The following MATN1 variants were observed in gnomAD, a reference collection of about 807,000 sequenced individuals.
MATN1 encodes the protein matrilin 1, also known as matrilin-1.
MATN1 carries 34 observed loss-of-function variants against 41.3 expected under a neutral mutation model. The observed-to-expected ratio is 0.82, with a 90% CI of 0.63 to 1.10. MATN1 has a LOEUF of 1.10. Ranked by LOEUF, MATN1 falls within the 50% of genes least tolerant of loss-of-function variation. MATN1 has a pLI of 0.00. For missense variants in MATN1, 602 were observed against 662.4 expected (o/e 0.91, Z 1.00); for synonymous variants, 264 against 278.7 (o/e 0.95, Z 0.53).
At chr1:30,723,200 T>A (rs142879101) in intron 1 of MATN1, among the ~76,000 whole-genome samples, 42 of 152,308 alleles carry the variant, frequency 2.8e-4, no homozygotes, top group African/African-American at 9.6e-4. Context: ...GAGTAGCTTC[T>A]GCTCCCCAGA....
chr1:30,716,754 C>G (rs370313013), intron 4 of MATN1, 36 bp downstream of exon 4: 44 of 1,608,522 alleles, frequency 2.7e-5, no homozygotes, highest in Non-Finnish European at 3.7e-5. Context: ...CCCCTCCACA[C>G]CCTCTCCAGG....
At chr1:30,717,394 G>T (rs1639630683) in intron 3 of MATN1, among the ~76,000 whole-genome samples, 1 of 152,030 alleles carries the variant, frequency 6.6e-6, no homozygotes, top group African/African-American at 2.4e-5. Context: ...TGGACACCCT[G>T]CCCCTGCGGG....
chr1:30,713,333 C>T lies in MATN1; in HGVS notation c.*249G>A, dbSNP rs765661573. 151 of 556,248 alleles carry T rather than the reference C, an allele frequency of 2.7e-4. No homozygotes were observed. Among genetic ancestry groups the T allele is most frequent in the Middle Eastern group, 1.5e-3 (3 of 2,038 alleles). The allele number at this position is 556,248 out of a possible 1,614,324, so 34.5% of individuals were successfully genotyped here. ...ACTCACCCCTGCATTATCACTCTCA[C>T]ACTCACATTCTGGCAAGACTCATGC... On this transcript the variant is annotated 3_prime_UTR_variant, in exon 8 of 8. Transcript: ENST00000373765.
rs200111696 is a variant in MATN1 at position 30,717,653 on chromosome 1, TGTTTTG to T, written c.665-744_665-739del. On this transcript the variant is annotated intron_variant, in intron 3 of 7. Coordinates refer to ENST00000373765, the MANE Select transcript of MATN1 (RefSeq NM_002379.3). The stretch of plus-strand genomic sequence containing the variant: ...TTTTTGTGTGTGCGGTTTTTTTTTT[TGTTTTG>T]TTTTTTTTTTGAGACGGAGTCGTCT... Among the ~76,000 whole-genome samples, 81 of 127,950 alleles carry T rather than the reference TGTTTTG, an allele frequency of 6.3e-4. 4 individuals carry two copies. In the East Asian group the frequency reaches 6.6e-3, roughly 10 times the overall value. The allele number at this position is 127,950 out of a possible 152,430, so 83.9% of individuals were successfully genotyped here.
At chr1:30,714,989 G>A (rs950233263) in intron 6 of MATN1, among the ~76,000 whole-genome samples, 168 bp downstream of exon 6, 1 of 152,238 alleles carries the variant, frequency 6.6e-6, no homozygotes, top group African/African-American at 2.4e-5. Flanking sequence ...CATTCAACAT[G>A]TTTGCTGGTA....
In MATN1 at chr1:30,716,647, T is replaced by C. The variant is rs75787217; in HGVS notation, c.790+143A>G. On this transcript the variant is annotated intron_variant, in intron 4 of 7. Coordinates refer to ENST00000373765, the MANE Select transcript of MATN1 (RefSeq NM_002379.3). ...GAAGTCAGGTGAGAACTTCTGCAGA[T>C]ACCAAACTCTAAAAGGCATCTGTCT... is the stretch of plus-strand genomic sequence containing the variant. 1,803 of 1,233,928 alleles carry C rather than the reference T, an allele frequency of 1.5e-3. 19 individuals are homozygous for C. The African/African-American group carries it at 0.023, about 16-fold the overall frequency. 76.4% of individuals were successfully genotyped at this position (1,233,928 alleles called of 1,614,324 possible).
chr1:30,716,760 C>A (rs758045920), intron 4 of MATN1, 30 bp downstream of exon 4: 45 of 1,610,524 alleles, frequency 2.8e-5, no homozygotes, highest in Non-Finnish European at 3.7e-5. Context: ...CACACCCTCT[C>A]CAGGGCGAGC....
chr1:30,713,145 C>G lies in MATN1; in HGVS notation c.*437G>C, dbSNP rs998173395. 5.3e-6 allele frequency: 1 copy of G among 189,230 alleles called. No homozygotes were observed. The highest frequency in any genetic ancestry group is 2.3e-5 in the African/African-American group (1 of 43,536). 11.7% of individuals were successfully genotyped at this position (189,230 alleles called of 1,614,324 possible). ...CCCAAATAACCACACTGCCTCTAGC[C>G]CCATTCACTGCTTACGTTAAATCAC... is the stretch of plus-strand genomic sequence containing the variant. On this transcript the variant is annotated 3_prime_UTR_variant, in exon 8 of 8. Coordinates refer to ENST00000373765, the MANE Select transcript of MATN1 (RefSeq NM_002379.3).
rs1639618150 is a variant in MATN1, at chr1:30,716,285, G to A, written c.831C>T (p.Val277=). 6.2e-7 allele frequency: 1 copy of A among 1,613,982 alleles called. No homozygotes were observed. The highest frequency in any genetic ancestry group is 1.3e-5 in the African/African-American group (1 of 74,932). Residue 277 remains valine (V), a synonymous_variant, in exon 5 of 8, where the codon GTC becomes GTT. Coordinates refer to ENST00000373765, the MANE Select transcript of MATN1 (RefSeq NM_002379.3). ...CACTCTTGGATCCGTCAATGAGGAAGACCAGGTCAGTGGCCGAGCTGCCAC... is the reference window on the plus strand; with the variant it reads ...CACTCTTGGATCCGTCAATGAGGAAAACCAGGTCAGTGGCCGAGCTGCCAC... ...GGGGSSATDL[V]FLIDGSKSVR...
intron 1 of MATN1, 75 bp from the exon 2 acceptor site, chr1:30,721,826 C>T (rs1639700007): frequency 2.4e-5 from 30 of 1,267,032 alleles, no homozygotes; most frequent in Non-Finnish European, 3.2e-5. Flanking sequence ...ACACAGAGTG[C>T]GGCTTCTTAG....
At position 30,713,577 on chromosome 1, in the gene MATN1, C is replaced by A. The variant is rs766705961; in HGVS notation, c.*5G>T. 2.1e-5 allele frequency: 33 copies of A among 1,553,130 alleles called. No homozygotes were observed. Among genetic ancestry groups the A allele is most frequent in the Non-Finnish European group, 2.7e-5 (31 of 1,147,624 alleles). On this transcript the variant is annotated 3_prime_UTR_variant, in exon 8 of 8. Transcript: ENST00000373765. ...TTGGAGAGGCCACAGTGGTGACAGG[C>A]AGCCTTAGACAACTGTGTTCTCCAG... is the stretch of plus-strand genomic sequence containing the variant.
chr1:30,721,818 A>G, intron 1 of MATN1, 67 bp from the exon 2 acceptor site: 7 of 1,338,526 alleles, frequency 5.2e-6, no homozygotes, highest in Non-Finnish European at 7.3e-6. Context: ...GCCTGAACAC[A>G]CAGAGTGCGG....
intron 3 of MATN1, among the ~76,000 whole-genome samples, chr1:30,717,857 G>T (rs892893687): frequency 6.6e-5 from 10 of 152,108 alleles, no homozygotes; most frequent in Non-Finnish European, 1.5e-4. Flanking sequence ...GTTTCACCAT[G>T]TTGGCCAGGA....
rs866547570 is a variant in MATN1, at chr1:30,723,484, C to G, written c.68G>C (p.Ser23Thr). Residue 23 changes from serine to threonine, a missense_variant, in exon 1 of 8, where the codon AGC becomes ACC. Transcript: ENST00000373765. Reference sequence around the variant, plus strand: ...TCTGGACTGGGGGGCGAGGCCAGGGCTGCACAGGGCCTGGAGCAGCAGCAG... The same window carrying G: ...TCTGGACTGGGGGGCGAGGCCAGGGGTGCACAGGGCCTGGAGCAGCAGCAG... ...SLLLLLQALC[S>T]PGLAPQSRGH... 1 of 1,529,758 alleles carries G rather than the reference C, an allele frequency of 6.5e-7. No individual in the cohort carries two copies. 94.8% of individuals were successfully genotyped at this position (1,529,758 alleles called of 1,614,324 possible). A position where few individuals can be genotyped will look rare whatever the true frequency, so the allele number is the denominator to read the frequency against.
rs199984466 is a variant in MATN1 at position 30,721,485 on chromosome 1, C to G, written c.361G>C (p.Gly121Arg). 1 of 1,613,526 alleles carries G rather than the reference C, an allele frequency of 6.2e-7. No individual in the cohort carries two copies. Among genetic ancestry groups the G allele is most frequent in the Non-Finnish European group, 8.5e-7 (1 of 1,180,014 alleles). ...IQPLSTGTMT[G>R]LAIQFAITKA... ...GTGATAGCGAACTGGATGGCCAGGC[C>G]GGTCATGGTGCCTGTGGACAGCGGC... The change falls in exon 2 of 8, where the codon GGC (glycine) becomes CGC (arginine). Residue 121 changes from glycine (G) to arginine (R), a missense_variant. Physicochemically the swap from Gly to Arg is moderately radical, Grantham distance 125. Transcript: ENST00000373765.
chr1:30,713,496 C>G lies in MATN1; in HGVS notation c.*86G>C. 3 of 1,401,846 alleles carry G rather than the reference C, an allele frequency of 2.1e-6. No individual in the cohort carries two copies. The South Asian group carries it at 3.7e-5, about 17-fold the overall frequency. 86.8% of individuals were successfully genotyped at this position (1,401,846 alleles called of 1,614,324 possible). On this transcript the variant is annotated 3_prime_UTR_variant, in exon 8 of 8. Transcript: ENST00000373765. Reference sequence around the variant, plus strand: ...CACCCAGACACACCCCCTCCCACCCCCGGGCTGGCTTCCCTCACTAAAATG... The same window carrying G: ...CACCCAGACACACCCCCTCCCACCCGCGGGCTGGCTTCCCTCACTAAAATG...
At chr1:30,714,575 T>C (rs1488060293) in intron 6 of MATN1, among the ~76,000 whole-genome samples, 1 of 152,176 alleles carries the variant, frequency 6.6e-6, no homozygotes, top group Non-Finnish European at 1.5e-5. Flanking sequence ...AGCATCCCTG[T>C]ACCTGCTGCA....
chr1:30,718,292 T>C (rs1018055329), intron 3 of MATN1, among the ~76,000 whole-genome samples: 5 of 149,704 alleles, frequency 3.3e-5, no homozygotes, highest in African/African-American at 1.2e-4. Context: ...GGACTCTCAG[T>C]CTCTGCGCCT....
In MATN1 at chr1:30,716,255, C is replaced by T; in HGVS notation, c.861G>A (p.Arg287=). ...TCTTCACCAGCTCAAAGTTCTCTGG[C>T]CTCACACTCTTGGATCCGTCAATGA... The part of the protein sequence containing the change: ...VFLIDGSKSV[R]PENFELVKKF... The change falls in exon 5 of 8, where the codon AGG becomes AGA. Residue 287 remains arginine (R), a synonymous_variant. Transcript: ENST00000373765. 1 of 1,614,140 alleles carries T rather than the reference C, an allele frequency of 6.2e-7. No homozygotes were observed. Among genetic ancestry groups the T allele is most frequent in the Non-Finnish European group, 8.5e-7 (1 of 1,180,028 alleles).
Sources: gnomAD v4.1 joint callset for allele counts (sites outside exome capture counted in the v4.1 genomes callset) on GRCh38, gnomAD v4.1.1 for gene constraint, MANE v1.5 for transcripts, NCBI Gene and HGNC (gene_info 2026-07-23, HGNC 2026-07-21) for gene names.